The following PDE1A variants were observed in gnomAD, a reference collection of about 807,000 sequenced individuals.
PDE1A encodes the protein dual specificity calcium/calmodulin-dependent 3',5'-cyclic nucleotide phosphodiesterase 1A.
A neutral mutation model predicts 61.7 loss-of-function variants in PDE1A; 35 were observed. The ratio of observed to expected loss-of-function variants is 0.57; its 90% CI spans 0.43 to 0.75. The LOEUF (loss-of-function observed/expected upper bound fraction) is 0.75. Among genes scored for constraint, PDE1A ranks in the 30% least tolerant of loss-of-function variants. The pLI is 0.00. For missense variants in PDE1A, 597 were observed against 630.6 expected (o/e 0.95, Z 0.57); for synonymous variants, 232 against 213.2 (o/e 1.09, Z -0.77).
At chr2:182,172,726 A>G (rs1306473452) in intron 13 of PDE1A, among the ~76,000 whole-genome samples, 3 of 152,068 alleles carry the variant, frequency 2.0e-5, no homozygotes, top group African/African-American at 7.2e-5. Context: ...CTTCTTGGAG[A>G]AGATGGCATT....
rs556911041 is a variant in PDE1A at position 182,513,824 on chromosome 2, C to A, written c.101+8452G>T. ...TAATTCAGACAAAACAGAAATTAAGCCAACAATGATCAAAAAGGACAAAGA... is the reference window on the plus strand; with the variant it reads ...TAATTCAGACAAAACAGAAATTAAGACAACAATGATCAAAAAGGACAAAGA... On this transcript the variant is annotated intron_variant, in intron 2 of 14. Transcript: ENST00000410103. Among the ~76,000 whole-genome samples, 20 of 152,204 alleles carry A rather than the reference C, an allele frequency of 1.3e-4. No homozygotes were observed. In the South Asian group the frequency reaches 4.2e-3, roughly 32 times the overall value.
At chr2:182,355,889 T>A (rs554976407) in intron 1 of PDE1A, among the ~76,000 whole-genome samples, 2 of 152,316 alleles carry the variant, frequency 1.3e-5, no homozygotes, top group Non-Finnish European at 1.5e-5. Flanking sequence ...GTCTGAAATA[T>A]TTTCATTTGC....
the PDE1A span, among the ~76,000 whole-genome samples, chr2:182,568,100 C>T: frequency 1.8e-3 from 274 of 151,770 alleles, no homozygotes; most frequent in Middle Eastern, 3.4e-3. Context: ...CGCCCGCGCC[C>T]GGCAATGTTT....
chr2:182,236,284 G>A (rs1189479564), intron 3 of PDE1A, among the ~76,000 whole-genome samples: 1 of 141,896 alleles, frequency 7.0e-6, no homozygotes, highest in Non-Finnish European at 1.5e-5. Context: ...TGCAAAGCAA[G>A]GAAACTACTA....
the PDE1A span, among the ~76,000 whole-genome samples, chr2:182,655,415 C>T: frequency 6.6e-6 from 1 of 152,164 alleles, no homozygotes; most frequent in African/African-American, 2.4e-5. Context: ...ATAAACTCTC[C>T]ACTTACCAGC....
At chr2:182,568,206 T>C in the PDE1A span, among the ~76,000 whole-genome samples, 1 of 152,172 alleles carries the variant, frequency 6.6e-6, no homozygotes, top group Admixed American at 6.5e-5. Context: ...AAATTTTTGG[T>C]TTTTAATCTG....
chr2:182,658,852 C>A, the PDE1A span, among the ~76,000 whole-genome samples: 2 of 152,152 alleles, frequency 1.3e-5, no homozygotes, highest in Non-Finnish European at 2.9e-5. Flanking sequence ...CACTTTACTG[C>A]CATTTCCCAC....
chr2:182,412,381 C>T (rs1702670997), intron 1 of PDE1A, among the ~76,000 whole-genome samples: 1 of 152,164 alleles, frequency 6.6e-6, no homozygotes, highest in Admixed American at 6.5e-5. Flanking sequence ...TTGCTGAAAT[C>T]AAGTGGACCT....
chr2:182,641,078 TGTA>T, the PDE1A span, among the ~76,000 whole-genome samples: 1 of 143,624 alleles, frequency 7.0e-6, no homozygotes, highest in Non-Finnish European at 1.5e-5. Flanking sequence ...GAACAAACCA[TGTA>T]GTAAGTTTTC....
At position 182,459,474 on chromosome 2, in the gene PDE1A, G is replaced by A. The variant is rs550718204; in HGVS notation, c.101+62802C>T. 1.7e-3 allele frequency among the ~76,000 whole-genome samples: 260 copies of A among 152,190 alleles called. 1 individual carries two copies. The highest frequency in any genetic ancestry group is 4.1e-3 in the Admixed American group (63 of 15,264). Reference sequence around the variant, plus strand: ...TATGTTCTGCCTTGAATTCATTAACGCCTGTGTTTATATCTGTCAGGTGAA... The same window carrying A: ...TATGTTCTGCCTTGAATTCATTAACACCTGTGTTTATATCTGTCAGGTGAA... On this transcript the variant is annotated intron_variant, in intron 2 of 14. Transcript: ENST00000410103.
At chr2:182,698,053 C>T in the PDE1A span, among the ~76,000 whole-genome samples, 134 of 152,306 alleles carry the variant, frequency 8.8e-4, no homozygotes, top group African/African-American at 3.1e-3. Flanking sequence ...TTCTGTTAAA[C>T]TCCTCTCAGG....
intron 2 of PDE1A, among the ~76,000 whole-genome samples, chr2:182,446,903 C>A (rs1192977910): frequency 6.6e-6 from 1 of 151,576 alleles, no homozygotes; most frequent in African/African-American, 2.4e-5. Flanking sequence ...ATAATCATCA[C>A]CACCATATGG....
chr2:182,317,593 G>A (rs1407191606), intron 1 of PDE1A, among the ~76,000 whole-genome samples: 1 of 152,132 alleles, frequency 6.6e-6, no homozygotes, highest in Non-Finnish European at 1.5e-5. Flanking sequence ...GAAAAGCAGA[G>A]GCATACATAG....
At chr2:182,538,880 T>A in the PDE1A span, among the ~76,000 whole-genome samples, 4 of 152,212 alleles carry the variant, frequency 2.6e-5, no homozygotes, top group South Asian at 8.3e-4. Flanking sequence ...AGTAATGAGT[T>A]ACGGCCTGAC....
chr2:182,187,901 C>T (rs1276693683), intron 11 of PDE1A, among the ~76,000 whole-genome samples: 10 of 151,696 alleles, frequency 6.6e-5, no homozygotes, highest in Non-Finnish European at 8.8e-5. Context: ...CATGCCACCA[C>T]GCCCGGCTAA....
At chr2:182,284,171 C>T (rs1694008206) in intron 1 of PDE1A, among the ~76,000 whole-genome samples, 1 of 152,104 alleles carries the variant, frequency 6.6e-6, no homozygotes, top group African/African-American at 2.4e-5. Context: ...CCTGAGGCTG[C>T]ATTGTCCATG....
chr2:182,268,488 C>T (rs943131807), intron 1 of PDE1A, among the ~76,000 whole-genome samples: 1 of 151,924 alleles, frequency 6.6e-6, no homozygotes, highest in Non-Finnish European at 1.5e-5. Flanking sequence ...GCATGGGTAC[C>T]TGTGTGTGTG....
the PDE1A span, among the ~76,000 whole-genome samples, chr2:182,677,984 T>C: frequency 6.6e-6 from 1 of 152,206 alleles, no homozygotes; most frequent in Non-Finnish European, 1.5e-5. Flanking sequence ...GAAACTTTCT[T>C]AATATATCGC....
At chr2:182,426,081 G>A (rs557106607) in intron 1 of PDE1A, among the ~76,000 whole-genome samples, 1 of 152,218 alleles carries the variant, frequency 6.6e-6, no homozygotes, top group South Asian at 2.1e-4. Flanking sequence ...TCACCCTGTT[G>A]TTTCTTTAAC....
Sources: allele counts gnomAD v4.1 joint callset (sites outside exome capture counted in the v4.1 genomes callset), GRCh38; gene constraint gnomAD v4.1.1; transcripts MANE v1.5; gene names NCBI Gene and HGNC (gene_info 2026-07-23, HGNC 2026-07-21).